PTPRM: variants seen among roughly 807,000 people sequenced by gnomAD.
PTPRM encodes the protein receptor-type tyrosine-protein phosphatase mu.
A neutral mutation model predicts 186.7 loss-of-function variants in PTPRM; 47 were observed. The ratio of observed to expected loss-of-function variants is 0.25; its 90% CI spans 0.20 to 0.32. The LOEUF is 0.32. PTPRM is among the 10% of genes least tolerant of loss of function. The probability of loss-of-function intolerance (pLI) is 1.00; values close to 1 mark genes in which losing one functional copy is unlikely to be tolerated. For missense variants in PTPRM, 1,494 were observed against 1,865.0 expected, an observed-to-expected ratio of 0.80 and a Z score of 3.66; for synonymous variants, 668 against 674.9, an observed-to-expected ratio of 0.99 and a Z score of 0.16.
chr18:7,654,719 T>C (rs1473932777), intron 1 of PTPRM, among the ~76,000 whole-genome samples: 2 of 152,196 alleles, frequency 1.3e-5, no homozygotes, highest in East Asian at 3.9e-4. Flanking sequence ...CCTTTCCCCA[T>C]TGCTTGCTTT....
intron 13 of PTPRM, among the ~76,000 whole-genome samples, chr18:8,136,431 A>C (rs948027201): frequency 6.6e-6 from 1 of 152,242 alleles, no homozygotes; most frequent in Non-Finnish European, 1.5e-5. Context: ...CAGCCACATC[A>C]ATAAATGAGG....
intron 2 of PTPRM, among the ~76,000 whole-genome samples, chr18:7,835,319 T>C (rs1461687530): frequency 6.6e-6 from 1 of 152,050 alleles, no homozygotes; most frequent in Admixed American, 6.5e-5. Context: ...TTAATTTCCT[T>C]CTTAATTTCT....
intron 20 of PTPRM, among the ~76,000 whole-genome samples, chr18:8,306,904 A>G (rs1206072382): frequency 6.6e-6 from 1 of 152,228 alleles, no homozygotes; most frequent in African/African-American, 2.4e-5. Flanking sequence ...CCCAAGGAAT[A>G]ACTGAGTTTT....
intron 11 of PTPRM, among the ~76,000 whole-genome samples, chr18:8,098,540 A>C (rs905092828): frequency 1.3e-5 from 2 of 152,214 alleles, no homozygotes; most frequent in Non-Finnish European, 2.9e-5. Flanking sequence ...ATAAAAGTTA[A>C]ATATCATGAA....
intron 7 of PTPRM, among the ~76,000 whole-genome samples, chr18:7,993,323 T>TAA (rs959603376): frequency 3.9e-5 from 6 of 152,108 alleles, no homozygotes; most frequent in African/African-American, 1.4e-4. Context: ...CCTGAAATAA[T>TAA]AAAAATTTCT....
chr18:7,594,565 T>C (rs191248963), intron 1 of PTPRM, among the ~76,000 whole-genome samples: 21 of 152,146 alleles, frequency 1.4e-4, no homozygotes, highest in Admixed American at 1.1e-3. Context: ...GGTGTGTATA[T>C]CGCTCATTAG....
intron 1 of PTPRM, among the ~76,000 whole-genome samples, chr18:7,694,479 T>C (rs1325785758): frequency 2.7e-5 from 4 of 150,214 alleles, no homozygotes; most frequent in Non-Finnish European, 4.4e-5. Flanking sequence ...CAGGCTGGAC[T>C]GCGGTAGTGC....
intron 5 of PTPRM, among the ~76,000 whole-genome samples, chr18:7,943,149 T>C (rs1461466879): frequency 6.6e-6 from 1 of 152,130 alleles, no homozygotes; most frequent in Non-Finnish European, 1.5e-5. Flanking sequence ...CCTCTCCTGT[T>C]GCCTCACCCA....
chr18:8,169,059 T>G (rs976845213), intron 14 of PTPRM, among the ~76,000 whole-genome samples: 1 of 152,176 alleles, frequency 6.6e-6, no homozygotes, highest in Admixed American at 6.6e-5. Flanking sequence ...AAATATCTTA[T>G]CACGCTCCTA....
At chr18:8,132,144 G>C (rs1279263062) in intron 13 of PTPRM, among the ~76,000 whole-genome samples, 1 of 152,170 alleles carries the variant, frequency 6.6e-6, no homozygotes, top group Non-Finnish European at 1.5e-5. Context: ...TTTTGTGTAG[G>C]TGTTGTCCTT....
intron 17 of PTPRM, 63 bp from the exon 18 acceptor site, chr18:8,252,425 A>G: frequency 7.6e-7 from 1 of 1,324,208 alleles, no homozygotes; most frequent in East Asian, 2.3e-5. Flanking sequence ...ACGCAGTACT[A>G]TTGCTTATGC....
intron 2 of PTPRM, among the ~76,000 whole-genome samples, chr18:7,783,784 G>A (rs990662077): frequency 6.6e-6 from 1 of 151,732 alleles, no homozygotes; most frequent in African/African-American, 2.4e-5. Context: ...ATGTGTGTGT[G>A]TGTGTAGAGA....
chr18:8,214,455 G>A, intron 14 of PTPRM, among the ~76,000 whole-genome samples: 1 of 152,110 alleles, frequency 6.6e-6, no homozygotes, highest in East Asian at 1.9e-4. Context: ...CTTTTAAAAA[G>A]TTTAGTTATT....
chr18:7,958,920 C>T (rs2053492654), intron 7 of PTPRM, among the ~76,000 whole-genome samples: 3 of 152,268 alleles, frequency 2.0e-5, no homozygotes, highest in African/African-American at 4.8e-5. Flanking sequence ...AATAATAGTG[C>T]TTTTGGGTGC....
At chr18:8,161,995 C>T (rs912025444) in intron 14 of PTPRM, among the ~76,000 whole-genome samples, 2 of 152,158 alleles carry the variant, frequency 1.3e-5, no homozygotes, top group African/African-American at 4.8e-5. Context: ...TTATTTCTTG[C>T]TAATCCAAGC....
chr18:7,877,462 G>A (rs2048302853), intron 2 of PTPRM, among the ~76,000 whole-genome samples: 1 of 152,134 alleles, frequency 6.6e-6, no homozygotes, highest in African/African-American at 2.4e-5. Flanking sequence ...TAAGAACTCT[G>A]TTATCTTGTC....
chr18:7,949,113 G>T (rs2052758080), intron 5 of PTPRM, 68 bp from the exon 6 acceptor site: 2 of 1,400,534 alleles, frequency 1.4e-6, no homozygotes, highest in Non-Finnish European at 2.0e-6. Flanking sequence ...ATACCATTGG[G>T]TGTCTGACTG....
intron 24 of PTPRM, among the ~76,000 whole-genome samples, chr18:8,371,982 GT>G (rs1298918544): frequency 6.6e-6 from 1 of 150,936 alleles, no homozygotes; most frequent in Admixed American, 6.6e-5. Context: ...ATAGTAGCAG[GT>G]CTTCTTGGAA....
intron 1 of PTPRM, among the ~76,000 whole-genome samples, chr18:7,590,128 G>C (rs2037085376): frequency 6.6e-6 from 1 of 152,098 alleles, no homozygotes; most frequent in South Asian, 2.1e-4. Context: ...TCTACAGAGT[G>C]GTGGCAAAGC....
Sources: allele counts gnomAD v4.1 joint callset (sites outside exome capture counted in the v4.1 genomes callset), GRCh38; gene constraint gnomAD v4.1.1; transcripts MANE v1.5; gene names NCBI Gene and HGNC (gene_info 2026-07-23, HGNC 2026-07-21).